Variants in GAREM2 observed in about 807,000 individuals in gnomAD.
The protein encoded by GAREM2 is GRB2-associated and regulator of MAPK protein 2.
In GAREM2, 30 loss-of-function variants were observed where a neutral mutation model predicts 55.6. The observed-to-expected ratio is 0.54, with a 90% confidence interval of 0.40 to 0.73. The LOEUF (loss-of-function observed/expected upper bound fraction) is 0.73. GAREM2 is among the 30% of genes least tolerant of loss of function. The probability of loss-of-function intolerance (pLI) is 0.00; values close to 1 mark genes in which losing one functional copy is unlikely to be tolerated. For synonymous variants in GAREM2, 550 were observed against 569.1 expected, an observed-to-expected ratio of 0.97 and a Z score of 0.48; for missense variants, 1,075 against 1,257.7, an observed-to-expected ratio of 0.85 and a Z score of 2.20.
At position 26,184,380 on chromosome 2, in the gene GAREM2, C is replaced by T. The variant is rs1207654434; in HGVS notation, c.532C>T (p.Leu178=). Residue 178 remains leucine, a synonymous_variant, in exon 4 of 6, where the codon CTG becomes TTG. Coordinates refer to ENST00000401533, the MANE Select transcript of GAREM2 (RefSeq NM_001168241.2). ...GCGCTTCACCACCCTCCTGCGAAAG[C>T]TGGGCCGGGCCGGGGCGCTGGCCGG... ...RSRFTTLLRK[L]GRAGALAGVG... 1 of 1,539,706 alleles carries T rather than the reference C, an allele frequency of 6.5e-7. No individual in the cohort carries two copies. Among genetic ancestry groups the T allele is most frequent in the Non-Finnish European group, 8.8e-7 (1 of 1,141,186 alleles).
intron 2 of GAREM2, chr2:26,181,085 T>C (rs1003791959): frequency 1.0e-6 from 1 of 985,386 alleles, no homozygotes; most frequent in Non-Finnish European, 1.2e-6. Context: ...CCTTACTGGT[T>C]TGTTTACCTG....
At position 26,186,209 on chromosome 2, in the gene GAREM2, G is replaced by A. The variant is rs757117763; in HGVS notation, c.1449G>A (p.Leu483=). ...KSEAVKEECR[L]LNAPPVPPRG... ...TGTAGGTGAAGGAGGAGTGCCGCCT[G>A]CTCAATGCCCCTCCAGTGCCTCCCC... is the stretch of plus-strand genomic sequence containing the variant. Residue 483 remains leucine (L), a synonymous_variant, in exon 5 of 6, where the codon CTG becomes CTA. Transcript: ENST00000401533. The A allele has an allele frequency of 9.1e-6, 14 of 1,531,554 alleles. No individual in the cohort carries two copies. Among genetic ancestry groups the A allele is most frequent in the Non-Finnish European group, 1.1e-5 (12 of 1,137,028 alleles). 94.9% of individuals were successfully genotyped at this position (1,531,554 alleles called of 1,614,324 possible). A position where few individuals can be genotyped will look rare whatever the true frequency, so the allele number is the denominator to read the frequency against.
chr2:26,178,225 A>G (rs748234779), intron 2 of GAREM2, among the ~76,000 whole-genome samples: 7 of 152,214 alleles, frequency 4.6e-5, no homozygotes, highest in Non-Finnish European at 1.0e-4. Context: ...TCAAGCTAGA[A>G]ATTTCCAAGC....
At position 26,187,822 on chromosome 2, in the gene GAREM2, T is replaced by G. The variant is rs1403645685; in HGVS notation, c.2190T>G (p.Pro730=). 1 of 1,440,732 alleles carries G rather than the reference T, an allele frequency of 6.9e-7. No homozygotes were observed. The highest frequency in any genetic ancestry group is 2.9e-5 in the Admixed American group (1 of 33,980). 89.2% of individuals were successfully genotyped at this position (1,440,732 alleles called of 1,614,324 possible). The change falls in exon 6 of 6, where the codon CCT becomes CCG. Residue 730 remains proline, a synonymous_variant. Coordinates refer to ENST00000401533, the MANE Select transcript of GAREM2 (RefSeq NM_001168241.2). The part of the protein sequence containing the change: ...QEPRAVGTPG[P]GPRLSPLGPS... ...CCAGAGCAGTGGGGACACCTGGGCC[T>G]GGACCCCGCCTTTCACCACTTGGCC...
downstream of GAREM2, chr2:26,191,325 G>A: frequency 1.9e-6 from 3 of 1,614,042 alleles, no homozygotes; most frequent in Non-Finnish European, 2.5e-6. Context: ...GTTTTCCATA[G>A]GCAGCTTCAT....
chr2:26,198,983 C>T, the GAREM2 span, among the ~76,000 whole-genome samples: 1 of 152,038 alleles, frequency 6.6e-6, no homozygotes, highest in African/African-American at 2.4e-5. Flanking sequence ...CAAGCTTTGC[C>T]GCCTGGGTTC....
At chr2:26,178,889 A>AGGAGGCGGAGGAGGAGGAGGAGGC (rs577641882) in intron 2 of GAREM2, among the ~76,000 whole-genome samples, 5 of 149,704 alleles carry the variant, frequency 3.3e-5, no homozygotes, top group African/African-American at 5.0e-5. Flanking sequence ...GGAGGGGAGG[A>AGGAGGCGGAGGAGGAGGAGGAGGC]GGAGGCGGAG....
At position 26,187,355 on chromosome 2, in the gene GAREM2, C is replaced by T; in HGVS notation, c.1723C>T (p.Pro575Ser). 1 of 1,546,892 alleles carries T rather than the reference C, an allele frequency of 6.5e-7. No homozygotes were observed. The highest frequency in any genetic ancestry group is 8.7e-7 in the Non-Finnish European group (1 of 1,144,640). ...SSSRPAPGPL[P>S]STTQPSQASR... The stretch of plus-strand genomic sequence containing the variant: ...TAGCCGCCCAGCCCCCGGTCCCCTA[C>T]CCTCAACCACACAGCCCAGCCAGGC... The change falls in exon 6 of 6, where the codon CCC (proline) becomes TCC (serine). Residue 575 changes from proline to serine, a missense_variant. Physicochemically the swap from Pro to Ser is moderately conservative, Grantham distance 74. Transcript: ENST00000401533.
At chr2:26,195,074 T>C in the GAREM2 span, 1 of 1,606,450 alleles carries the variant, frequency 6.2e-7, no homozygotes, top group Non-Finnish European at 8.5e-7. Flanking sequence ...TCTGCAGCTC[T>C]GTTATACAGC....
At chr2:26,184,108 C>T (rs1669139773) in intron 3 of GAREM2, 125 bp from the exon 4 acceptor site, 2 of 1,405,902 alleles carry the variant, frequency 1.4e-6, no homozygotes, top group Non-Finnish European at 1.9e-6. Flanking sequence ...CCTGGCCTAC[C>T]ATCTAGTCCG....
chr2:26,173,337 C>G lies in GAREM2; in HGVS notation c.112+5C>G. 1 of 1,373,336 alleles carries G rather than the reference C, an allele frequency of 7.3e-7. No homozygotes were observed. The highest frequency in any genetic ancestry group is 9.5e-7 in the Non-Finnish European group (1 of 1,056,052). The allele number at this position is 1,373,336 out of a possible 1,614,324, so 85.1% of individuals were successfully genotyped here. On this transcript the variant is annotated splice_donor_5th_base_variant and intron_variant, in intron 1 of 5. Coordinates refer to ENST00000401533, the MANE Select transcript of GAREM2 (RefSeq NM_001168241.2). ...CGCTCGCCTGCCTTGGGCCAGGTACCGGGGTCGCTGGAGATGGGGACCGGG... is the reference window on the plus strand; with the variant it reads ...CGCTCGCCTGCCTTGGGCCAGGTACGGGGGTCGCTGGAGATGGGGACCGGG...
chr2:26,185,544 C>T (rs1349938541), intron 4 of GAREM2, among the ~76,000 whole-genome samples: 1 of 152,158 alleles, frequency 6.6e-6, no homozygotes, highest in Non-Finnish European at 1.5e-5. Context: ...CACTGTTACC[C>T]AGAAGGTACC....
intron 2 of GAREM2, among the ~76,000 whole-genome samples, chr2:26,176,888 C>A (rs948293193): frequency 1.3e-5 from 2 of 152,094 alleles, no homozygotes; most frequent in African/African-American, 4.8e-5. Context: ...CAGAAACCAG[C>A]GAATGCCCAA....
At chr2:26,194,701 A>G in the GAREM2 span, 8 of 1,042,870 alleles carry the variant, frequency 7.7e-6, no homozygotes, top group Middle Eastern at 2.9e-4. Context: ...GAAACACTCT[A>G]CCTTTCCCAG....
intron 2 of GAREM2, 83 bp downstream of exon 2, chr2:26,176,567 T>A: frequency 7.9e-7 from 1 of 1,273,554 alleles, no homozygotes; most frequent in Non-Finnish European, 1.0e-6. Context: ...GGGGGAACGC[T>A]GGGACTAGCG....
rs1669159504 is a variant in GAREM2, at chr2:26,184,569, A to G, written c.721A>G (p.Ser241Gly). 1.3e-6 allele frequency: 2 copies of G among 1,547,986 alleles called. No individual in the cohort carries two copies. Among genetic ancestry groups the G allele is most frequent in the Admixed American group, 2.0e-5 (1 of 50,828 alleles). The change falls in exon 4 of 6, where the codon AGC (serine) becomes GGC (glycine). Residue 241 changes from serine (S) to glycine (G), a missense_variant. Around this residue, in one of 6 missense-constraint regions of GAREM2, gnomAD observed 170 missense variants for 220.7 expected, o/e 0.77. Coordinates refer to ENST00000401533, the MANE Select transcript of GAREM2 (RefSeq NM_001168241.2). ...FQCQGRFSTR[S>G]PLELQMQEGE... ...GTGCCAGGGCCGCTTCAGCACTCGCAGCCCGCTGGAGCTGCAGATGCAAGA... is the reference window on the plus strand; with the variant it reads ...GTGCCAGGGCCGCTTCAGCACTCGCGGCCCGCTGGAGCTGCAGATGCAAGA...
Position 26,184,916 on chromosome 2 carries a change from G to T in GAREM2, c.1068G>T (p.Glu356Asp). ...SYCRERFDPD[E>D]YSTAVREAPA... ...GCCGCGAGCGCTTCGACCCCGACGA[G>T]TACTCCACGGCCGTGCGCGAGGCGC... Residue 356 changes from glutamate to aspartate, a missense_variant, in exon 4 of 6, where the codon GAG becomes GAT. Physicochemically the swap from Glu to Asp is conservative, Grantham distance 45. This residue lies in a region of GAREM2 where 170 missense variants were observed against 220.7 expected (regional missense o/e 0.77). Transcript: ENST00000401533. The T allele has an allele frequency of 7.0e-7, 1 of 1,436,284 alleles. No homozygotes were observed. Among genetic ancestry groups the T allele is most frequent in the Non-Finnish European group, 9.1e-7 (1 of 1,104,450 alleles). 89.0% of individuals were successfully genotyped at this position (1,436,284 alleles called of 1,614,324 possible). A position where few individuals can be genotyped will look rare whatever the true frequency, so the allele number is the denominator to read the frequency against.
At chr2:26,201,181 G>T in the GAREM2 span, 1 of 1,613,818 alleles carries the variant, frequency 6.2e-7, no homozygotes, top group Non-Finnish European at 8.5e-7. Context: ...CTGTGCTTAA[G>T]ACTAAGGTCC....
the GAREM2 span, among the ~76,000 whole-genome samples, chr2:26,198,227 C>T: frequency 0.018 from 2,741 of 152,210 alleles, 83 homozygotes; most frequent in African/African-American, 0.061. Context: ...TCATTTTATA[C>T]AGTGTGTTAC....
Sources: allele counts gnomAD v4.1 joint callset (sites outside exome capture counted in the v4.1 genomes callset), GRCh38; gene constraint gnomAD v4.1.1; regional missense constraint gnomAD v4.1.1; transcripts MANE v1.5; gene names NCBI Gene and HGNC (gene_info 2026-07-23, HGNC 2026-07-21).